TAFA5: variants seen among roughly 807,000 people sequenced by gnomAD.
TAFA5 encodes the protein TAFA chemokine like family member 5, also known as chemokine-like protein TAFA-5.
Under a neutral mutation model 15.3 loss-of-function variants are expected in TAFA5, and 6 were observed. The ratio of observed to expected loss-of-function variants is 0.39; its 90% CI spans 0.21 to 0.77. The LOEUF is 0.77. TAFA5 is among the 30% of genes least tolerant of loss of function. The pLI is 0.41. For missense variants in TAFA5, 161 were observed against 193.1 expected (o/e 0.83, Z 0.98); for synonymous variants, 103 against 80.7 (o/e 1.28, Z -1.48).
intron 1 of TAFA5, among the ~76,000 whole-genome samples, chr22:48,518,427 C>T (rs1195888201): frequency 1.3e-5 from 2 of 152,176 alleles, no homozygotes; most frequent in Non-Finnish European, 2.9e-5. Context: ...GAGAGGGTGT[C>T]CTGAGTCCAC....
At chr22:48,524,479 A>AGGAC (rs1921712398) in intron 1 of TAFA5, among the ~76,000 whole-genome samples, 1 of 152,220 alleles carries the variant, frequency 6.6e-6, no homozygotes, top group African/African-American at 2.4e-5. Context: ...CAGTCAAAAC[A>AGGAC]GGACCTTGGT....
At chr22:48,533,747 G>T (rs1307511573) in intron 1 of TAFA5, among the ~76,000 whole-genome samples, 1 of 150,552 alleles carries the variant, frequency 6.6e-6, no homozygotes, top group African/African-American at 2.4e-5. Context: ...GCCCAGAGAA[G>T]GACATTTTCA....
intron 1 of TAFA5, among the ~76,000 whole-genome samples, chr22:48,500,488 C>T (rs997800781): frequency 5.9e-5 from 9 of 152,346 alleles, no homozygotes; most frequent in East Asian, 3.9e-4. Context: ...CCAGGTGTCC[C>T]TGAGCACACA....
chr22:48,694,137 T>C (rs1418712339), intron 2 of TAFA5, among the ~76,000 whole-genome samples: 1 of 152,222 alleles, frequency 6.6e-6, no homozygotes, highest in African/African-American at 2.4e-5. Flanking sequence ...TCTGAGCTTC[T>C]GTGTCCTCTT....
At chr22:48,732,545 A>AG (rs1352480995) in intron 3 of TAFA5, among the ~76,000 whole-genome samples, 2 of 152,130 alleles carry the variant, frequency 1.3e-5, no homozygotes, top group Non-Finnish European at 1.5e-5. Flanking sequence ...GTGAGCCACC[A>AG]CGCCTGGCCA....
At chr22:48,620,443 A>G (rs1207617855) in intron 1 of TAFA5, among the ~76,000 whole-genome samples, 3 of 152,074 alleles carry the variant, frequency 2.0e-5, no homozygotes, top group South Asian at 2.1e-4. Flanking sequence ...CATAAAATTC[A>G]GGAGGCGGTT....
chr22:48,633,037 G>C (rs548144686), intron 1 of TAFA5, among the ~76,000 whole-genome samples: 1 of 152,208 alleles, frequency 6.6e-6, no homozygotes, highest in African/African-American at 2.4e-5. Flanking sequence ...GGAGTTTGGC[G>C]AGGATGAGTG....
chr22:48,546,073 C>A (rs557789378), intron 1 of TAFA5, among the ~76,000 whole-genome samples: 1 of 152,302 alleles, frequency 6.6e-6, no homozygotes, highest in East Asian at 1.9e-4. Flanking sequence ...GCTGGCCCTC[C>A]CATCCCATCA....
At chr22:48,664,440 C>T (rs961062164) in intron 2 of TAFA5, among the ~76,000 whole-genome samples, 5 of 152,144 alleles carry the variant, frequency 3.3e-5, no homozygotes, top group Admixed American at 6.5e-5. Context: ...ACAAAATATG[C>T]GTGTAGACAT....
At chr22:48,656,945 A>G (rs1385563248) in intron 2 of TAFA5, among the ~76,000 whole-genome samples, 4 of 151,444 alleles carry the variant, frequency 2.6e-5, no homozygotes, top group East Asian at 2.0e-4. Flanking sequence ...TTTTTCTTCT[A>G]TTTATAGTAG....
At chr22:48,707,187 G>A (rs1255539639) in intron 2 of TAFA5, among the ~76,000 whole-genome samples, 1 of 152,156 alleles carries the variant, frequency 6.6e-6, no homozygotes, top group African/African-American at 2.4e-5. Flanking sequence ...GTAGGATGGG[G>A]GCCAGGGGTG....
At chr22:48,505,960 T>C (rs1601838361) in intron 1 of TAFA5, among the ~76,000 whole-genome samples, 1 of 152,158 alleles carries the variant, frequency 6.6e-6, no homozygotes, top group African/African-American at 2.4e-5. Context: ...GACACTCTAA[T>C]GGGACAGGAC....
chr22:48,504,598 C>T (rs546197501), intron 1 of TAFA5, among the ~76,000 whole-genome samples: 10 of 152,046 alleles, frequency 6.6e-5, no homozygotes, highest in Non-Finnish European at 1.5e-4. Flanking sequence ...GGACACAGAG[C>T]TTCACAGACT....
At chr22:48,584,632 C>G (rs1305820732) in intron 1 of TAFA5, among the ~76,000 whole-genome samples, 4 of 148,994 alleles carry the variant, frequency 2.7e-5, no homozygotes. Flanking sequence ...ACACCACTCA[C>G]AAAATACATC....
chr22:48,653,804 C>T (rs1375848351), intron 2 of TAFA5, among the ~76,000 whole-genome samples: 1 of 152,118 alleles, frequency 6.6e-6, no homozygotes, highest in Non-Finnish European at 1.5e-5. Flanking sequence ...CTCCCAGCTC[C>T]AGGGAGCACA....
intron 1 of TAFA5, among the ~76,000 whole-genome samples, chr22:48,525,203 C>T (rs1247398331): frequency 6.6e-6 from 1 of 152,150 alleles, no homozygotes; most frequent in Non-Finnish European, 1.5e-5. Flanking sequence ...CCCGGTGACC[C>T]ATTCACAGGC....
intron 3 of TAFA5, among the ~76,000 whole-genome samples, chr22:48,715,700 T>G (rs130165): frequency 0.46 from 69,540 of 152,018 alleles, 16,137 homozygotes; most frequent in East Asian, 0.57. Context: ...ACTGGGTGAG[T>G]GGTGGGGCCT....
chr22:48,615,634 C>T (rs899361993), intron 1 of TAFA5, among the ~76,000 whole-genome samples: 2 of 152,200 alleles, frequency 1.3e-5, no homozygotes, highest in African/African-American at 4.8e-5. Context: ...GTCCTTCTGG[C>T]CCCTGTTCCA....
At chr22:48,636,819 G>T (rs1926467559) in intron 1 of TAFA5, among the ~76,000 whole-genome samples, 1 of 152,222 alleles carries the variant, frequency 6.6e-6, no homozygotes, top group South Asian at 2.1e-4. Context: ...CAGGAGTCTG[G>T]CATCTTATTC....
Sources: allele counts gnomAD v4.1 joint callset (sites outside exome capture counted in the v4.1 genomes callset), GRCh38; gene constraint gnomAD v4.1.1; transcripts MANE v1.5; gene names NCBI Gene and HGNC (gene_info 2026-07-23, HGNC 2026-07-21).